Variants in NOC2L observed in about 807,000 individuals in gnomAD.
The protein encoded by NOC2L is nucleolar complex protein 2 homolog.
NOC2L carries 101 observed loss-of-function variants against 94.2 expected under a neutral mutation model. The ratio of observed to expected loss-of-function variants is 1.07; its 90% CI spans 0.91 to 1.26. The LOEUF (loss-of-function observed/expected upper bound fraction) is 1.26, where lower values mean the gene tolerates loss of function less well. NOC2L is among the 50% of genes most tolerant of loss of function. The pLI, the probability that NOC2L is intolerant of heterozygous loss-of-function variation, is 0.00. For missense variants in NOC2L, 1,076 were observed against 980.1 expected, an observed-to-expected ratio of 1.10 and a Z score of -1.31; for synonymous variants, 531 against 413.4, an observed-to-expected ratio of 1.28 and a Z score of -3.45.
At chr1:952,649 T>A (rs1178234319) in intron 9 of NOC2L, 49 bp from the exon 10 acceptor site, 1 of 1,581,486 alleles carries the variant, frequency 6.3e-7, no homozygotes. Context: ...GCCATGCACC[T>A]CCACCGCCCA....
rs1329304690 is a variant in NOC2L, at chr1:944,613, G to C, written c.*81C>G. ...GCCTCCCCCAACTGCACAGACGCCAGCCTCTAGGCCTGACTGCCAGGGAGG... is the reference window on the plus strand; with the variant it reads ...GCCTCCCCCAACTGCACAGACGCCACCCTCTAGGCCTGACTGCCAGGGAGG... On this transcript the variant is annotated 3_prime_UTR_variant, in exon 19 of 19. Coordinates refer to ENST00000327044, the MANE Select transcript of NOC2L (RefSeq NM_015658.4). The C allele has an allele frequency of 1.1e-5, 9 of 840,480 alleles. No individual in the cohort carries two copies. Among genetic ancestry groups the C allele is most frequent in the African/African-American group, 8.6e-5 (5 of 58,286 alleles). The allele number at this position is 840,480 out of a possible 1,614,324, so 52.1% of individuals were successfully genotyped here.
rs371765617 is a variant in NOC2L at position 953,234 on chromosome 1, G to A, written c.943C>T (p.Leu315=). Residue 315 remains leucine (L), a synonymous_variant, in exon 9 of 19, where the codon CTG becomes TTG. Transcript: ENST00000327044. ...GEESLRVLAF[L]VLSRVCRHKK... ...TGCCGGCAGACTCTGCTGAGGACCA[G>A]GAAAGCCAGCACCCGCAGAGACTCT... 1.2e-6 allele frequency: 2 copies of A among 1,613,558 alleles called. No individual in the cohort carries two copies. Among genetic ancestry groups the A allele is most frequent in the Non-Finnish European group, 1.7e-6 (2 of 1,179,820 alleles).
At chr1:947,850 C>G (rs1642159553) in intron 14 of NOC2L, among the ~76,000 whole-genome samples, 1 of 152,242 alleles carries the variant, frequency 6.6e-6, no homozygotes, top group Admixed American at 6.5e-5. Flanking sequence ...CAGTCCCAAC[C>G]CCGAAGCAAA....
At position 956,907 on chromosome 1, in the gene NOC2L, T is replaced by C. The variant is rs1262089462; in HGVS notation, c.473A>G (p.Lys158Arg). The C allele has an allele frequency of 6.2e-7, 1 of 1,613,756 alleles. No homozygotes were observed. The highest frequency in any genetic ancestry group is 8.5e-7 in the Non-Finnish European group (1 of 1,180,038). Residue 158 changes from lysine to arginine, a missense_variant, in exon 4 of 19, where the codon AAG (lysine) becomes AGG (arginine). By Grantham distance (26) the Lys-to-Arg change is conservative. Transcript: ENST00000327044. ...GCTGCTGCTCACCTTTGCTGCCTGC[T>C]TCCATCTCTCAACCATGGCGACGGT... ...PVTVAMVERW[K>R]QAAKQRLTPK...
rs1238849341 is a variant in NOC2L, at chr1:944,454, C to G, written c.*240G>C. On this transcript the variant is annotated 3_prime_UTR_variant, in exon 19 of 19. Transcript: ENST00000327044. ...CGGTCTGCTGACGTCAGGGTCAGCTCCCCCGCGGAGCTGACTTCAGCAGCC... is the reference window on the plus strand; with the variant it reads ...CGGTCTGCTGACGTCAGGGTCAGCTGCCCCGCGGAGCTGACTTCAGCAGCC... The G allele has an allele frequency of 4.6e-6, 4 of 866,732 alleles. No homozygotes were observed. The highest frequency in any genetic ancestry group is 6.6e-6 in the Non-Finnish European group (4 of 605,824). 53.7% of individuals were successfully genotyped at this position (866,732 alleles called of 1,614,324 possible). A position where few individuals can be genotyped will look rare whatever the true frequency, so the allele number is the denominator to read the frequency against.
chr1:947,572 G>A (rs1190417888), intron 14 of NOC2L, among the ~76,000 whole-genome samples: 3 of 152,244 alleles, frequency 2.0e-5, no homozygotes. Flanking sequence ...TCACGGCTGA[G>A]AGCAAACAGA....
intron 6 of NOC2L, among the ~76,000 whole-genome samples, chr1:954,686 T>C (rs1642354096): frequency 6.6e-6 from 1 of 151,994 alleles, no homozygotes; most frequent in South Asian, 2.1e-4. Context: ...ATACAAAATA[T>C]TATCCAGGCC....
At position 952,411 on chromosome 1, in the gene NOC2L, C is replaced by T; in HGVS notation, c.1191+1G>A. The T allele has an allele frequency of 1.2e-6, 2 of 1,613,126 alleles. No individual in the cohort carries two copies. Among genetic ancestry groups the T allele is most frequent in the Non-Finnish European group, 1.7e-6 (2 of 1,179,682 alleles). On this transcript the variant is annotated splice_donor_variant, in intron 10 of 18. Coordinates refer to ENST00000327044, the MANE Select transcript of NOC2L (RefSeq NM_015658.4). LOFTEE classifies it high-confidence loss of function. ...GAGCCTGGAAGGGCCCCACCACACACCTTCTTGCGAGTGGTCATGGCGTTG... is the reference window on the plus strand; with the variant it reads ...GAGCCTGGAAGGGCCCCACCACACATCTTCTTGCGAGTGGTCATGGCGTTG...
rs1302963125 is a variant in NOC2L, at chr1:953,879, A to G, written c.791T>C (p.Leu264Pro). ...LGSAIQLVSC[L>P]SETTVLAAVL... Reference sequence around the variant, plus strand: ...GGCCGCCAACACCGTCGTCTCCGACAGACAGGACACCAGCTGGGGGCAGGA... The same window carrying G: ...GGCCGCCAACACCGTCGTCTCCGACGGACAGGACACCAGCTGGGGGCAGGA... Residue 264 changes from leucine (L) to proline (P), a missense_variant, in exon 8 of 19, where the codon CTG becomes CCG. Physicochemically the swap from Leu to Pro is moderately conservative, Grantham distance 98 (BLOSUM62 -3). Transcript: ENST00000327044. The G allele has an allele frequency of 6.2e-7, 1 of 1,613,218 alleles. No individual in the cohort carries two copies. Among genetic ancestry groups the G allele is most frequent in the Non-Finnish European group, 8.5e-7 (1 of 1,179,966 alleles).
rs756140824 is a variant in NOC2L at position 957,164 on chromosome 1, A to C, written c.289T>G (p.Phe97Val). The change falls in exon 3 of 19, where the codon TTC (phenylalanine) becomes GTC (valine). Residue 97 changes from phenylalanine to valine, a missense_variant. Phe to Val is a conservative substitution (Grantham distance 50). Coordinates refer to ENST00000327044, the MANE Select transcript of NOC2L (RefSeq NM_015658.4). Reference protein sequence around the residue: ...LQENDQSLLNFSDSDSSEEEE... With the variant: ...LQENDQSLLNVSDSDSSEEEE... The stretch of plus-strand genomic sequence containing the variant: ...TCCTCAGAGCTGTCCGAGTCGCTGA[A>C]GTTTAGCAGGCTCTGGTCATTCTCC... 6 of 1,613,964 alleles carry C rather than the reference A, an allele frequency of 3.7e-6. No individual in the cohort carries two copies. The African/African-American group carries it at 8.0e-5, about 22-fold the overall frequency.
At chr1:951,764 G>T (rs1055324897) in intron 11 of NOC2L, among the ~76,000 whole-genome samples, 1 of 152,234 alleles carries the variant, frequency 6.6e-6, no homozygotes, top group African/African-American at 2.4e-5. Flanking sequence ...GGTGGCACCC[G>T]AGGCGGCTAA....
At chr1:956,801 C>T in intron 4 of NOC2L, 93 bp downstream of exon 4, 1 of 1,562,488 alleles carries the variant, frequency 6.4e-7, no homozygotes, top group Non-Finnish European at 8.7e-7. Flanking sequence ...CCTGGGCACC[C>T]AGCTGCCCGC....
chr1:956,573 C>T (rs1642409719), intron 4 of NOC2L, among the ~76,000 whole-genome samples: 1 of 152,204 alleles, frequency 6.6e-6, no homozygotes, highest in South Asian at 2.1e-4. Flanking sequence ...ACAGTCCGTC[C>T]CACCCACAGC....
At chr1:951,278 T>TGGCAGCCCCTGCCCC in intron 11 of NOC2L, 40 bp from the exon 12 acceptor site, 1 of 1,438,912 alleles carries the variant, frequency 6.9e-7, no homozygotes. Context: ...GCCCCGGCTC[T>TGGCAGCCCCTGCCCC]GGCAGCCCCT....
rs1056550704 is a variant in NOC2L, at chr1:944,440, CG to C, written c.*253del. 24 of 976,494 alleles carry C rather than the reference CG, an allele frequency of 2.5e-5. No homozygotes were observed. In the African/African-American group the frequency reaches 3.7e-4, roughly 15 times the overall value. The allele number at this position is 976,494 out of a possible 1,614,324, so 60.5% of individuals were successfully genotyped here. A position where few individuals can be genotyped will look rare whatever the true frequency, so the allele number is the denominator to read the frequency against. On this transcript the variant is annotated 3_prime_UTR_variant, in exon 19 of 19. Coordinates refer to ENST00000327044, the MANE Select transcript of NOC2L (RefSeq NM_015658.4). ...ACTGGGACTGGTCTCGGTCTGCTGACGTCAGGGTCAGCTCCCCCGCGGAGCT... is the reference window on the plus strand; with the variant it reads ...ACTGGGACTGGTCTCGGTCTGCTGACTCAGGGTCAGCTCCCCCGCGGAGCT...
chr1:948,300 C>T (rs1642170265), intron 13 of NOC2L, 68 bp from the exon 14 acceptor site: 1 of 1,349,824 alleles, frequency 7.4e-7, no homozygotes, highest in Admixed American at 2.0e-5. Context: ...GGCCCCTTCC[C>T]CTCAGGCTGT....
rs58931985 is a variant in NOC2L, at chr1:954,070, C to T, written c.711G>A (p.Pro237=). The change falls in exon 7 of 19, where the codon CCG becomes CCA. Residue 237 remains proline, a synonymous_variant. Transcript: ENST00000327044. ...VAKDSSRMLQ[P]SSSPLWGKLR... is the part of the protein sequence containing the mutation. The stretch of plus-strand genomic sequence containing the variant: ...GCTTCCCCCAGAGCGGGCTGCTGGA[C>T]GGCTGCAGCATCCTGCAGAGAGACC... The T allele has an allele frequency of 6.8e-6, 11 of 1,611,014 alleles. No individual in the cohort carries two copies. The highest frequency in any genetic ancestry group is 2.7e-5 in the African/African-American group (2 of 74,860).
Position 944,577 on chromosome 1 carries a change from C to T in NOC2L, c.*117G>A, listed in dbSNP as rs1417961916. 29 of 659,058 alleles carry T rather than the reference C, an allele frequency of 4.4e-5. No individual in the cohort carries two copies. The South Asian group carries it at 4.7e-4, about 11-fold the overall frequency. The allele number at this position is 659,058 out of a possible 1,614,324, so 40.8% of individuals were successfully genotyped here. Reference sequence around the variant, plus strand: ...TGAAAAATAAATAATAAAGCCTGTCCCGTGTCTACTGCCTCCCCCAACTGC... The same window carrying T: ...TGAAAAATAAATAATAAAGCCTGTCTCGTGTCTACTGCCTCCCCCAACTGC... On this transcript the variant is annotated 3_prime_UTR_variant, in exon 19 of 19. Coordinates refer to ENST00000327044, the MANE Select transcript of NOC2L (RefSeq NM_015658.4).
rs769982751 is a variant in NOC2L, at chr1:944,710, A to C, written c.2234T>G (p.Leu745Arg). Reference protein sequence around the residue: ...GPEDELEDLQLSEDD With the variant: ...GPEDELEDLQRSEDD ...TGGGCTGCCTCAGTCGTCCTCTGAG[A>C]GCTGCAGATCCTCCAGCTCGTCCTC... The change falls in exon 19 of 19, where the codon CTC becomes CGC. Residue 745 changes from leucine to arginine, a missense_variant. By Grantham distance (102) the Leu-to-Arg change is moderately radical (BLOSUM62 -2). This residue lies in a region of NOC2L where 615 missense variants were observed against 577.4 expected (regional missense o/e 1.07). Transcript: ENST00000327044. The C allele has an allele frequency of 6.9e-5, 111 of 1,598,554 alleles. No homozygotes were observed. The highest frequency in any genetic ancestry group is 8.8e-5 in the Non-Finnish European group (104 of 1,177,796).
Sources: allele counts gnomAD v4.1 joint callset (sites outside exome capture counted in the v4.1 genomes callset), GRCh38; gene constraint gnomAD v4.1.1; regional missense constraint gnomAD v4.1.1; transcripts MANE v1.5; gene names NCBI Gene and HGNC (gene_info 2026-07-23, HGNC 2026-07-21).